Variants in NAV3 observed in about 807,000 individuals in gnomAD.
NAV3 encodes neuron navigator 3.
A neutral mutation model predicts 244.7 loss-of-function variants in NAV3; 87 were observed. The ratio of observed to expected loss-of-function variants is 0.36; its 90% CI spans 0.30 to 0.42. NAV3 has a LOEUF of 0.42. Ranked by LOEUF, NAV3 falls within the 20% of genes least tolerant of loss-of-function variation. NAV3 has a pLI of 1.00. For missense variants in NAV3, 2,663 were observed against 2,893.3 expected (o/e 0.92, Z 1.83); for synonymous variants, 1,126 against 1,042.2 (o/e 1.08, Z -1.55).
chr12:77,845,709 A>G (rs1352926086), intron 1 of NAV3, among the ~76,000 whole-genome samples: 1 of 145,804 alleles, frequency 6.9e-6, no homozygotes, highest in Non-Finnish European at 1.5e-5. Flanking sequence ...ACTGGAGTGC[A>G]ATGTCACGAT....
At chr12:77,750,374 C>T (rs968122180) in intron 2 of NAV3, among the ~76,000 whole-genome samples, 3 of 151,766 alleles carry the variant, frequency 2.0e-5, no homozygotes, top group African/African-American at 7.3e-5. Context: ...AACAAAAATA[C>T]AAGAACAGAA....
intron 2 of NAV3, among the ~76,000 whole-genome samples, chr12:77,579,714 C>T (rs1712436896): frequency 6.6e-6 from 1 of 152,190 alleles, no homozygotes; most frequent in Non-Finnish European, 1.5e-5. Flanking sequence ...CCTCCTAATA[C>T]AACATGGCTT....
In NAV3 at chr12:77,893,426, A is replaced by T. The variant is rs1293956318; in HGVS notation, c.244-46893A>T. Among the ~76,000 whole-genome samples, 3 of 152,294 alleles carry T rather than the reference A, an allele frequency of 2.0e-5. No individual in the cohort carries two copies. The East Asian group carries it at 5.8e-4, about 29-fold the overall frequency. On this transcript the variant is annotated intron_variant, in intron 1 of 39. Coordinates refer to ENST00000397909, the MANE Select transcript of NAV3 (RefSeq NM_001024383.2). ...AGGGATTGAGATTGTTAAACAAAAG[A>T]CACAGTTGAAGCTTATAATACTAAT...
chr12:78,195,595 C>A (rs17044997), intron 34 of NAV3, among the ~76,000 whole-genome samples: 5,015 of 152,074 alleles, frequency 0.033, 97 homozygotes, highest in South Asian at 0.055. Context: ...CAGGATGTGC[C>A]AGTTGGAATT....
chr12:77,740,718 TAAG>T (rs1161786405), intron 2 of NAV3, among the ~76,000 whole-genome samples: 2 of 152,184 alleles, frequency 1.3e-5, no homozygotes, highest in Admixed American at 6.5e-5. Flanking sequence ...AATAGGAGGA[TAAG>T]AAGTCTTTAA....
At chr12:77,960,575 T>C (rs892391983) in intron 3 of NAV3, among the ~76,000 whole-genome samples, 1 of 149,046 alleles carries the variant, frequency 6.7e-6, no homozygotes, top group African/African-American at 2.4e-5. Context: ...ACATAGCATA[T>C]ATTACCTATA....
chr12:78,093,970 A>C (rs1226782599), intron 12 of NAV3, among the ~76,000 whole-genome samples: 1 of 152,122 alleles, frequency 6.6e-6, no homozygotes, highest in Non-Finnish European at 1.5e-5. Flanking sequence ...CTTCTCCAGC[A>C]TCTGGTACTA....
At chr12:77,855,536 C>G (rs1878266428) in intron 1 of NAV3, among the ~76,000 whole-genome samples, 1 of 152,166 alleles carries the variant, frequency 6.6e-6, no homozygotes, top group South Asian at 2.1e-4. Context: ...GCAGCTCCTC[C>G]CATCAAGGTG....
chr12:77,719,145 A>G (rs1164058040), intron 2 of NAV3, among the ~76,000 whole-genome samples: 1 of 152,146 alleles, frequency 6.6e-6, no homozygotes, highest in African/African-American at 2.4e-5. Flanking sequence ...TGGAAATGCA[A>G]CTAATTTTTG....
intron 2 of NAV3, among the ~76,000 whole-genome samples, chr12:77,753,993 G>T (rs73136086): frequency 0.036 from 5,446 of 152,178 alleles, 140 homozygotes; most frequent in Non-Finnish European, 0.055. Context: ...CTTGAGTCTT[G>T]TCATATAGAA....
intron 12 of NAV3, among the ~76,000 whole-genome samples, chr12:78,082,847 G>T (rs572263692): frequency 2.0e-5 from 3 of 152,090 alleles, no homozygotes; most frequent in South Asian, 2.1e-4. Flanking sequence ...CCTTCCCTTT[G>T]TTCTTTTCAC....
chr12:77,861,979 T>A (rs577650642), intron 1 of NAV3, among the ~76,000 whole-genome samples: 1 of 151,834 alleles, frequency 6.6e-6, no homozygotes, highest in Non-Finnish European at 1.5e-5. Flanking sequence ...AAATAAATAC[T>A]ATCGAAAGTC....
rs1275322708 is a variant in NAV3, at chr12:78,121,660, A to G, written c.3750-280A>G. Among the ~76,000 whole-genome samples the G allele has an allele frequency of 2.0e-5, 3 of 152,170 alleles. No individual in the cohort carries two copies. The East Asian group carries it at 5.8e-4, about 29-fold the overall frequency. On this transcript the variant is annotated intron_variant, in intron 15 of 39. Coordinates refer to ENST00000397909, the MANE Select transcript of NAV3 (RefSeq NM_001024383.2). The stretch of plus-strand genomic sequence containing the variant: ...GAGTGAAAGTCTCATGATCACTTAA[A>G]TTATGAAAACCAGGGGTTTTCATGT...
intron 2 of NAV3, among the ~76,000 whole-genome samples, chr12:77,809,046 C>T (rs1340710843): frequency 2.0e-5 from 3 of 152,108 alleles, no homozygotes; most frequent in Non-Finnish European, 2.9e-5. Flanking sequence ...CATCGCAGGT[C>T]GACTTCAGAA....
intron 1 of NAV3, among the ~76,000 whole-genome samples, chr12:77,837,904 A>G (rs1182533959): frequency 6.6e-6 from 1 of 152,240 alleles, no homozygotes; most frequent in Non-Finnish European, 1.5e-5. Flanking sequence ...TTAGAAATAT[A>G]GCAGCAGATG....
chr12:77,717,473 G>A (rs7315671), intron 2 of NAV3, among the ~76,000 whole-genome samples: 3,800 of 151,998 alleles, frequency 0.025, 89 homozygotes, highest in African/African-American at 0.06. Flanking sequence ...TTAAAGTTCA[G>A]TAATATTCCA....
chr12:78,100,369 T>G (rs1954477857), intron 12 of NAV3, among the ~76,000 whole-genome samples: 1 of 151,874 alleles, frequency 6.6e-6, no homozygotes, highest in Non-Finnish European at 1.5e-5. Flanking sequence ...CCCCCACACT[T>G]TCCCCAAAAT....
chr12:78,113,744 C>G (rs1466019861), intron 12 of NAV3, among the ~76,000 whole-genome samples: 1 of 152,164 alleles, frequency 6.6e-6, no homozygotes, highest in Non-Finnish European at 1.5e-5. Context: ...TCCCTATTGT[C>G]TTATTAAGAT....
chr12:78,052,057 AG>A (rs1823879178), intron 11 of NAV3: 1 of 152,176 alleles, frequency 6.6e-6, no homozygotes, highest in South Asian at 2.1e-4. Flanking sequence ...TATGTGGAAA[AG>A]CTTCCCAATT....
Sources: gnomAD v4.1 joint callset for allele counts (sites outside exome capture counted in the v4.1 genomes callset) on GRCh38, gnomAD v4.1.1 for gene constraint, MANE v1.5 for transcripts, NCBI Gene and HGNC (gene_info 2026-07-23, HGNC 2026-07-21) for gene names.